The following RPS6KA2 variants were observed in gnomAD, a reference collection of about 807,000 sequenced individuals.
The protein encoded by RPS6KA2 is ribosomal protein S6 kinase A2, also known as ribosomal protein S6 kinase alpha-2.
RPS6KA2 carries 42 observed loss-of-function variants against 91.8 expected under a neutral mutation model. That is an observed-to-expected ratio of 0.46 (90% CI 0.36 to 0.59). RPS6KA2 has a LOEUF of 0.59. RPS6KA2 is among the 20% of genes least tolerant of loss of function. The pLI is 0.00. For synonymous variants in RPS6KA2, 414 were observed against 393.6 expected, an observed-to-expected ratio of 1.05 and a Z score of -0.61; for missense variants, 798 against 978.5, an observed-to-expected ratio of 0.82 and a Z score of 2.46.
chr6:166,760,116 CT>C (rs1461983873), intron 2 of RPS6KA2, among the ~76,000 whole-genome samples: 1 of 152,192 alleles, frequency 6.6e-6, no homozygotes, highest in East Asian at 1.9e-4. Flanking sequence ...CGGAAGGTTT[CT>C]TTTGGCTATC....
chr6:166,764,028 A>G (rs1167280477), intron 2 of RPS6KA2, among the ~76,000 whole-genome samples: 1 of 152,178 alleles, frequency 6.6e-6, no homozygotes, highest in East Asian at 1.9e-4. Context: ...GGCTAGAAAG[A>G]ATGCGAAGTG....
rs575487146 is a variant in RPS6KA2, at chr6:166,445,372, T to C, written c.1332+3352A>G. The stretch of plus-strand genomic sequence containing the variant: ...TCCAAAATATCAACCTCCTGGCCTT[T>C]ATCTACATGAGACCTGCTCTCACCC... On this transcript the variant is annotated intron_variant, in intron 14 of 20. Coordinates refer to ENST00000265678, the MANE Select transcript of RPS6KA2 (RefSeq NM_021135.6). The surrounding 1 kb of genome is among the most constrained non-coding windows in gnomAD (Gnocchi z 4.5). 1.3e-5 allele frequency among the ~76,000 whole-genome samples: 2 copies of C among 152,328 alleles called. No individual in the cohort carries two copies. The highest frequency in any genetic ancestry group is 3.9e-4 in the East Asian group (2 of 5,184).
rs182333176 is a variant in RPS6KA2 at position 166,460,714 on chromosome 6, C to G, written c.973-1163G>C. The G allele has an allele frequency of 4.6e-5, 7 of 152,502 alleles. No homozygotes were observed. The East Asian group carries it at 1.3e-3, about 29-fold the overall frequency. 9.4% of individuals were successfully genotyped at this position (152,502 alleles called of 1,614,324 possible). A position where few individuals can be genotyped will look rare whatever the true frequency, so the allele number is the denominator to read the frequency against. On this transcript the variant is annotated intron_variant, in intron 11 of 20. Transcript: ENST00000265678. ...CCACTGAGCATGGGGTTTCCTTAAT[C>G]CTGCCTAGGGAGGGTCCCCACGGTG...
rs148540560 is a variant in RPS6KA2, at chr6:166,471,684, C to T, written c.908-1779G>A. Among the ~76,000 whole-genome samples the T allele has an allele frequency of 3.2e-3, 480 of 152,318 alleles. 2 individuals are homozygous for T. The highest frequency in any genetic ancestry group is 0.011 in the African/African-American group (463 of 41,564). Reference sequence around the variant, plus strand: ...ACAATTGCTGTTCCCATTTTACAGACGAGGACACTGAGGCTGACACAGGTT... The same window carrying T: ...ACAATTGCTGTTCCCATTTTACAGATGAGGACACTGAGGCTGACACAGGTT... On this transcript the variant is annotated intron_variant, in intron 10 of 20. Transcript: ENST00000265678.
At position 166,508,002 on chromosome 6, in the gene RPS6KA2, A is replaced by C. The variant is rs566191750; in HGVS notation, c.459+201T>G. On this transcript the variant is annotated intron_variant, in intron 5 of 20. Transcript: ENST00000265678. The surrounding 1 kb of genome is among the most constrained non-coding windows in gnomAD (Gnocchi z 4.3). ...GTCTCGCAACCCCCCACCACACATCATGCACACTTGCACACACTCACACAT... is the reference window on the plus strand; with the variant it reads ...GTCTCGCAACCCCCCACCACACATCCTGCACACTTGCACACACTCACACAT... 7.1e-6 allele frequency among the ~76,000 whole-genome samples: 1 copy of C among 140,032 alleles called. No individual in the cohort carries two copies. The highest frequency in any genetic ancestry group is 1.5e-5 in the Non-Finnish European group (1 of 65,404). The allele number at this position is 140,032 out of a possible 152,430, so 91.9% of individuals were successfully genotyped here. A position where few individuals can be genotyped will look rare whatever the true frequency, so the allele number is the denominator to read the frequency against.
At chr6:166,776,592 A>C (rs1778625793) in intron 2 of RPS6KA2, among the ~76,000 whole-genome samples, 1 of 152,002 alleles carries the variant, frequency 6.6e-6, no homozygotes, top group Non-Finnish European at 1.5e-5. Context: ...AGTCCCTGGC[A>C]ACCAGCAATC....
In RPS6KA2 at chr6:166,490,622, A is replaced by G. The variant is rs1781555575; in HGVS notation, c.818+49T>C. The G allele has an allele frequency of 7.9e-7, 1 of 1,269,048 alleles. No individual in the cohort carries two copies. The highest frequency in any genetic ancestry group is 1.1e-6 in the Non-Finnish European group (1 of 879,994). The allele number at this position is 1,269,048 out of a possible 1,614,324, so 78.6% of individuals were successfully genotyped here. On this transcript the variant is annotated intron_variant, in intron 9 of 20. Coordinates refer to ENST00000265678, the MANE Select transcript of RPS6KA2 (RefSeq NM_021135.6). The surrounding 1 kb of genome is among the most constrained non-coding windows in gnomAD (Gnocchi z 4.2). ...CCAGGTTCAGAGGCAGCAGCTCTTGATATCAGAAGGTGCTCGCAGGTCTCT... is the reference window on the plus strand; with the variant it reads ...CCAGGTTCAGAGGCAGCAGCTCTTGGTATCAGAAGGTGCTCGCAGGTCTCT...
rs1247368344 is a variant in RPS6KA2 at position 166,459,450 on chromosome 6, T to A, written c.1074A>T (p.Thr358=). 5.0e-6 allele frequency: 8 copies of A among 1,611,150 alleles called. No individual in the cohort carries two copies. The South Asian group carries it at 8.8e-5, about 18-fold the overall frequency. Residue 358 remains threonine, a splice_region_variant and synonymous_variant, in exon 12 of 21, where the codon ACA becomes ACT. Coordinates refer to ENST00000265678, the MANE Select transcript of RPS6KA2 (RefSeq NM_021135.6). The surrounding 1 kb of genome is among the most constrained non-coding windows in gnomAD (Gnocchi z 4.9). ...AGAGGGAACCACTGTGGCACACACC[T>A]GTGGGCGTCCGCGCTGTGAACTCGG... ...FDPEFTARTP[T]DSPGVPPSAN...
At position 166,412,582 on chromosome 6, in the gene RPS6KA2, G is replaced by T; in HGVS notation, c.*180C>A. 1 of 580,146 alleles carries T rather than the reference G, an allele frequency of 1.7e-6. No homozygotes were observed. The highest frequency in any genetic ancestry group is 2.9e-6 in the Non-Finnish European group (1 of 346,876). The allele number at this position is 580,146 out of a possible 1,614,324, so 35.9% of individuals were successfully genotyped here. On this transcript the variant is annotated 3_prime_UTR_variant, in exon 21 of 21. Transcript: ENST00000265678. The surrounding 1 kb of genome is among the most constrained non-coding windows in gnomAD (Gnocchi z 4.3). ...GGGGAGGCTGGCGCAGTGAGGCTTG[G>T]AGAAGCCCCCAGGTCAGGACCCTCT...
intron 2 of RPS6KA2, among the ~76,000 whole-genome samples, chr6:166,536,186 C>T (rs6909530): frequency 0.047 from 7,145 of 152,254 alleles, 568 homozygotes; most frequent in African/African-American, 0.16. Flanking sequence ...TTGAAGGACT[C>T]GGCTCCCAGG....
intron 2 of RPS6KA2, among the ~76,000 whole-genome samples, chr6:166,647,929 C>A (rs1360853260): frequency 1.3e-5 from 2 of 149,918 alleles, no homozygotes; most frequent in Non-Finnish European, 3.0e-5. Flanking sequence ...CTCACACACA[C>A]GCACATGCTC....
chr6:166,594,640 T>A (rs1369891527), intron 1 of RPS6KA2, among the ~76,000 whole-genome samples: 1 of 152,168 alleles, frequency 6.6e-6, no homozygotes, highest in East Asian at 1.9e-4. Context: ...TTTTTTGTAT[T>A]TTTAGTAGAG....
At chr6:166,700,481 A>G (rs565102391) in intron 2 of RPS6KA2, among the ~76,000 whole-genome samples, 86 of 147,520 alleles carry the variant, frequency 5.8e-4, no homozygotes, top group African/African-American at 2.0e-3. Context: ...TATAAAGTAT[A>G]TAAAATTTTC....
At chr6:166,430,827 G>A (rs1779102309) in intron 15 of RPS6KA2, among the ~76,000 whole-genome samples, 1 of 152,198 alleles carries the variant, frequency 6.6e-6, no homozygotes, top group Admixed American at 6.5e-5. Flanking sequence ...TTAATAATCT[G>A]CTGCTAAGCA....
chr6:166,508,355 C>G lies in RPS6KA2; in HGVS notation c.380-73G>C. On this transcript the variant is annotated intron_variant, in intron 4 of 20. Coordinates refer to ENST00000265678, the MANE Select transcript of RPS6KA2 (RefSeq NM_021135.6). The surrounding 1 kb of genome is among the most constrained non-coding windows in gnomAD (Gnocchi z 4.3). The stretch of plus-strand genomic sequence containing the variant: ...TGGCAACATCGCTCTCTGGCTTCTC[C>G]CTGCTCACGGTGCTGCTTACTCCGG... 1 of 996,664 alleles carries G rather than the reference C, an allele frequency of 1.0e-6. No homozygotes were observed. 61.7% of individuals were successfully genotyped at this position (996,664 alleles called of 1,614,324 possible). A position where few individuals can be genotyped will look rare whatever the true frequency, so the allele number is the denominator to read the frequency against.
rs574202360 is a variant in RPS6KA2 at position 166,715,246 on chromosome 6, C to T, written c.123+142954G>A. ...ACTTGGCTGGGTCAGTTAGTGACTC[C>T]GCTGCAGAAGGAGCTGCGTCTTCAA... On this transcript the variant is annotated intron_variant, in intron 2 of 21. Coordinates refer to the RPS6KA2 transcript ENST00000503859. Among the ~76,000 whole-genome samples, 6 of 152,312 alleles carry T rather than the reference C, an allele frequency of 3.9e-5. No homozygotes were observed. The East Asian group carries it at 5.8e-4, about 15-fold the overall frequency.
chr6:166,844,132 A>G (rs529459277), intron 2 of RPS6KA2, among the ~76,000 whole-genome samples: 4 of 152,172 alleles, frequency 2.6e-5, no homozygotes, highest in African/African-American at 7.2e-5. Flanking sequence ...AATGTGCTGG[A>G]AAGTCTCAGC....
At chr6:166,424,279 T>TC (rs1188196909) in intron 16 of RPS6KA2, among the ~76,000 whole-genome samples, 1 of 151,956 alleles carries the variant, frequency 6.6e-6, no homozygotes, top group African/African-American at 2.4e-5. Context: ...GAAAACATCA[T>TC]CCAAAGGGCT....
intron 2 of RPS6KA2, among the ~76,000 whole-genome samples, chr6:166,786,175 A>C (rs1264858482): frequency 7.2e-5 from 11 of 152,222 alleles, no homozygotes; most frequent in African/African-American, 2.7e-4. Context: ...TCTGTGGTGA[A>C]CAGTCTCCTT....
Sources: allele counts gnomAD v4.1 joint callset (sites outside exome capture counted in the v4.1 genomes callset), GRCh38; gene constraint gnomAD v4.1.1; non-coding constraint Gnocchi (gnomAD v3.1); transcripts MANE v1.5; gene names NCBI Gene and HGNC (gene_info 2026-07-23, HGNC 2026-07-21).